Variants in RACK1 observed in about 807,000 individuals in gnomAD.
The protein encoded by RACK1 is receptor for activated C kinase 1, also known as small ribosomal subunit protein RACK1.
Under a neutral mutation model 42.2 loss-of-function variants are expected in RACK1, and 3 were observed. The ratio of observed to expected loss-of-function variants is 0.07; its 90% CI spans 0.03 to 0.18. The LOEUF (loss-of-function observed/expected upper bound fraction) is 0.18. Ranked by LOEUF, RACK1 falls within the 10% of genes least tolerant of loss-of-function variation. The pLI is 1.00. For missense variants in RACK1, 146 were observed against 403.2 expected (o/e 0.36, Z 5.46); for synonymous variants, 181 against 154.8 (o/e 1.17, Z -1.25).
chr5:181,237,724 G>C lies in RACK1; in HGVS notation c.778-5C>G. The C allele has an allele frequency of 6.6e-7, 1 of 1,506,224 alleles. No individual in the cohort carries two copies. The highest frequency in any genetic ancestry group is 9.2e-7 in the Non-Finnish European group (1 of 1,084,042). 93.3% of individuals were successfully genotyped at this position (1,506,224 alleles called of 1,614,324 possible). ...AATGATCTTTCCCTCTAAATCCTGG[G>C]GAACAGGGCAAAAGCAACCTTAAGA... On this transcript the variant is annotated splice_polypyrimidine_tract_variant and splice_region_variant and intron_variant, in intron 6 of 7. Coordinates refer to ENST00000512805, the MANE Select transcript of RACK1 (RefSeq NM_006098.5).
At chr5:181,238,851 G>A (rs1385356072) in intron 5 of RACK1, 2 of 599,208 alleles carry the variant, frequency 3.3e-6, no homozygotes, top group African/African-American at 1.9e-5. Flanking sequence ...AAACCCACAG[G>A]CTTATAGAAA....
At chr5:181,238,638 A>G (rs1759223795) in intron 5 of RACK1, 1 of 353,806 alleles carries the variant, frequency 2.8e-6, no homozygotes, top group Non-Finnish European at 5.5e-6. Flanking sequence ...AATCCTCTCT[A>G]CTAACATACA....
At chr5:181,241,749 G>T (rs1243881678) in intron 2 of RACK1, 110 bp from the exon 3 acceptor site, 1 of 1,220,494 alleles carries the variant, frequency 8.2e-7, no homozygotes. Context: ...ATACAACCCT[G>T]GATTTGGCTC....
chr5:181,238,933 A>C (rs13160776), intron 5 of RACK1, 134 bp downstream of exon 5: 1 of 757,656 alleles, frequency 1.3e-6, no homozygotes, highest in Non-Finnish European at 2.4e-6. Context: ...ACATATTCTC[A>C]GATTGCCATT....
At chr5:181,242,033 G>A (rs976892737) in intron 2 of RACK1, 141 bp downstream of exon 2, 4 of 826,716 alleles carry the variant, frequency 4.8e-6, no homozygotes, top group South Asian at 1.5e-5. Context: ...AGTGAGGGAG[G>A]CCAAACATCT....
Position 181,239,783 on chromosome 5 carries a change from A to G in RACK1, c.430-201T>C, listed in dbSNP as rs563833888. ...TTTAGAGATGGTGGCTGGACGCAGA[A>G]GCTCACGCCTCTAATCCCAGGGAGG... On this transcript the variant is annotated intron_variant, in intron 3 of 7. Coordinates refer to ENST00000512805, the MANE Select transcript of RACK1 (RefSeq NM_006098.5). Among the ~76,000 whole-genome samples the G allele has an allele frequency of 2.6e-5, 4 of 152,358 alleles. No individual in the cohort carries two copies. In the East Asian group the frequency reaches 5.8e-4, roughly 22 times the overall value.
intron 2 of RACK1, 29 bp from the exon 3 acceptor site, chr5:181,241,668 A>C: frequency 6.2e-7 from 1 of 1,611,350 alleles, no homozygotes; most frequent in Non-Finnish European, 8.5e-7. Context: ...TCATTCTCAG[A>C]CTTAGCAAAC....
At chr5:181,239,399 C>G (rs770891403) in intron 4 of RACK1, 88 bp downstream of exon 4, 6 of 947,146 alleles carry the variant, frequency 6.3e-6, no homozygotes, top group Non-Finnish European at 7.0e-6. Context: ...CTGAGGGCAT[C>G]TGCAAAGCTT....
chr5:181,243,628 T>A, intron 1 of RACK1, 64 bp downstream of exon 1: 1 of 1,534,778 alleles, frequency 6.5e-7, no homozygotes, highest in Non-Finnish European at 8.8e-7. Flanking sequence ...CGGAATTCCC[T>A]ACACGACACG....
chr5:181,236,941 GTTT>G lies in RACK1; in HGVS notation c.*33_*35del, dbSNP rs11445317. ...AAAAACCTAAAAGTCAGAAAAGCCAGTTTTTTTTTTATTTGTAAAGCTCTGCCA... is the reference window on the plus strand; with the variant it reads ...AAAAACCTAAAAGTCAGAAAAGCCAGTTTTTTTATTTGTAAAGCTCTGCCA... On this transcript the variant is annotated 3_prime_UTR_variant, in exon 8 of 8. Coordinates refer to ENST00000512805, the MANE Select transcript of RACK1 (RefSeq NM_006098.5). The G allele has an allele frequency of 7.7e-4, 1,054 of 1,371,570 alleles. 16 individuals are homozygous for G. The East Asian group carries it at 0.021, about 27-fold the overall frequency. 85.0% of individuals were successfully genotyped at this position (1,371,570 alleles called of 1,614,324 possible). A position where few individuals can be genotyped will look rare whatever the true frequency, so the allele number is the denominator to read the frequency against.
chr5:181,237,365 C>G, intron 7 of RACK1: 1 of 705,236 alleles, frequency 1.4e-6, no homozygotes, highest in Non-Finnish European at 2.6e-6. Context: ...CATTTGAAAA[C>G]TGGTCAGATT....
intron 4 of RACK1, 153 bp downstream of exon 4, chr5:181,239,334 T>C (rs1296213599): frequency 2.6e-6 from 2 of 761,986 alleles, no homozygotes; most frequent in African/African-American, 3.4e-5. Context: ...ACATATCCAA[T>C]GCAGTGTGCT....
intron 1 of RACK1, chr5:181,243,224 G>A (rs1386891078): frequency 4.6e-6 from 6 of 1,299,176 alleles, no homozygotes; most frequent in Non-Finnish European, 5.1e-6. Context: ...GGGACGGGGA[G>A]AACCAGGGGC....
At chr5:181,243,300 TG>T (rs776622538) in intron 1 of RACK1, 751 of 1,358,988 alleles carry the variant, frequency 5.5e-4, no homozygotes, top group Non-Finnish European at 6.9e-4. Context: ...CCACGAGCCT[TG>T]GGCCGGGCGG....
chr5:181,238,409 C>T (rs922576949), intron 5 of RACK1, 170 bp from the exon 6 acceptor site: 6 of 634,398 alleles, frequency 9.5e-6, no homozygotes, highest in African/African-American at 7.4e-5. Flanking sequence ...TTTCCTTTAA[C>T]GTAAGACCTT....
At position 181,238,162 on chromosome 5, in the gene RACK1, G is replaced by A. The variant is rs745683332; in HGVS notation, c.714C>T (p.Ala238=). 2.5e-6 allele frequency: 4 copies of A among 1,613,998 alleles called. No homozygotes were observed. The East Asian group carries it at 8.9e-5, about 36-fold the overall frequency. ...AGTAGCGGTTAGGGCTGAAGCACAGGGCGTTGATGATGTCCCCACCATCTA... is the reference window on the plus strand; with the variant it reads ...AGTAGCGGTTAGGGCTGAAGCACAGAGCGTTGATGATGTCCCCACCATCTA... ...YTLDGGDIIN[A]LCFSPNRYWL... Residue 238 remains alanine, a synonymous_variant, in exon 6 of 8, where the codon GCC becomes GCT. Coordinates refer to ENST00000512805, the MANE Select transcript of RACK1 (RefSeq NM_006098.5).
intron 4 of RACK1, 52 bp from the exon 5 acceptor site, chr5:181,239,229 G>C: frequency 8.1e-7 from 1 of 1,241,682 alleles, no homozygotes; most frequent in Non-Finnish European, 1.2e-6. Context: ...GATGAGCTAG[G>C]GTCAGGCCCA....
At chr5:181,243,157 G>A (rs1167206746) in intron 1 of RACK1, 1 of 708,122 alleles carries the variant, frequency 1.4e-6, no homozygotes. Context: ...TCTTAACAGT[G>A]TAGCAGCAAA....
rs1205405160 is a variant in RACK1, at chr5:181,243,684, G to A, written c.109+8C>T. On this transcript the variant is annotated splice_region_variant and intron_variant, in intron 1 of 7. Coordinates refer to ENST00000512805, the MANE Select transcript of RACK1 (RefSeq NM_006098.5). ...ATCTCGGGTCCTGAAATCTACCTTA[G>A]TCCGTACCTCGAGAGGCGGAGAGGA... 1.9e-6 allele frequency: 3 copies of A among 1,590,900 alleles called. No individual in the cohort carries two copies. Among genetic ancestry groups the A allele is most frequent in the Non-Finnish European group, 2.6e-6 (3 of 1,168,572 alleles).
Sources: allele counts gnomAD v4.1 joint callset (sites outside exome capture counted in the v4.1 genomes callset), GRCh38; gene constraint gnomAD v4.1.1; transcripts MANE v1.5; gene names NCBI Gene and HGNC (gene_info 2026-07-23, HGNC 2026-07-21).